SNX29: variants seen among roughly 807,000 people sequenced by gnomAD.
The protein encoded by SNX29 is sorting nexin 29.
SNX29 carries 78 observed loss-of-function variants against 102.1 expected under a neutral mutation model. The ratio of observed to expected loss-of-function variants is 0.76; its 90% CI spans 0.64 to 0.92. The LOEUF is 0.92. Ranked by LOEUF, SNX29 falls within the 40% of genes least tolerant of loss-of-function variation. The probability of loss-of-function intolerance (pLI) is 0.00; values close to 1 mark genes in which losing one functional copy is unlikely to be tolerated. For synonymous variants in SNX29, 580 were observed against 414.5 expected, an observed-to-expected ratio of 1.40 and a Z score of -4.85; for missense variants, 1,280 against 1,061.7, an observed-to-expected ratio of 1.21 and a Z score of -2.86.
At chr16:12,544,455 T>G in intron 20 of SNX29, among the ~76,000 whole-genome samples, 1 of 152,182 alleles carries the variant, frequency 6.6e-6, no homozygotes, top group Admixed American at 6.5e-5. Context: ...CTACCCTATC[T>G]CATTCTGAAG....
chr16:12,526,237 A>G (rs975893599), intron 20 of SNX29, among the ~76,000 whole-genome samples: 2 of 152,078 alleles, frequency 1.3e-5, no homozygotes, highest in Admixed American at 1.3e-4. Context: ...TGGGTTCAAA[A>G]CAGAGGGTGC....
At chr16:11,979,391 G>C (rs1453851013) in intron 1 of SNX29, among the ~76,000 whole-genome samples, 1 of 151,444 alleles carries the variant, frequency 6.6e-6, no homozygotes, top group Non-Finnish European at 1.5e-5. Flanking sequence ...TGGAAACATT[G>C]TAATTGAGGC....
chr16:12,345,170 G>T (rs1047365138), intron 15 of SNX29, among the ~76,000 whole-genome samples: 7 of 152,192 alleles, frequency 4.6e-5, no homozygotes, highest in Non-Finnish European at 1.5e-5. Context: ...TGTGCTCTGC[G>T]CTAGAGCTGT....
At chr16:12,507,853 C>G (rs2089446543) in intron 19 of SNX29, among the ~76,000 whole-genome samples, 1 of 152,164 alleles carries the variant, frequency 6.6e-6, no homozygotes, top group Non-Finnish European at 1.5e-5. Context: ...GCTCTGCTGT[C>G]TCCTTTCTCC....
chr16:12,091,898 G>C (rs201118798), intron 11 of SNX29, among the ~76,000 whole-genome samples: 1 of 152,148 alleles, frequency 6.6e-6, no homozygotes, highest in East Asian at 1.9e-4. Context: ...TCCCGAATCT[G>C]TCGGTGCCTT....
intron 16 of SNX29, among the ~76,000 whole-genome samples, chr16:12,379,130 T>C: frequency 6.6e-6 from 1 of 152,224 alleles, no homozygotes; most frequent in Non-Finnish European, 1.5e-5. Context: ...CTTCCTTTTC[T>C]TAAAAAAATA....
chr16:12,108,149 A>C (rs2053344603), intron 11 of SNX29, among the ~76,000 whole-genome samples: 1 of 152,192 alleles, frequency 6.6e-6, no homozygotes, highest in Non-Finnish European at 1.5e-5. Flanking sequence ...TTTTTGGACA[A>C]TCTTTAGGGT....
intron 1 of SNX29, among the ~76,000 whole-genome samples, chr16:11,998,779 G>A (rs1019541314): frequency 6.6e-6 from 1 of 152,220 alleles, no homozygotes; most frequent in Non-Finnish European, 1.5e-5. Flanking sequence ...GCTGAGAAGA[G>A]GAGTAATCAG....
intron 1 of SNX29, among the ~76,000 whole-genome samples, chr16:11,994,703 A>C (rs965140885): frequency 6.6e-6 from 1 of 152,092 alleles, no homozygotes; most frequent in Non-Finnish European, 1.5e-5. Context: ...CATTGTTCCT[A>C]CTTCTCTCTG....
Position 12,359,846 on chromosome 16 carries a change from C to G in SNX29, c.1899+3567C>G, listed in dbSNP as rs181380792. Among the ~76,000 whole-genome samples, 303 of 152,234 alleles carry G rather than the reference C, an allele frequency of 2.0e-3. 1 individual carries two copies. Among genetic ancestry groups the G allele is most frequent in the Non-Finnish European group, 3.5e-3 (237 of 68,026 alleles). ...ATTTTATTTATTTATTTTTTTGAGA[C>G]TGAATCATGCTGTATCGCCCAGGCT... On this transcript the variant is annotated intron_variant, in intron 16 of 20. Coordinates refer to ENST00000566228, the MANE Select transcript of SNX29 (RefSeq NM_032167.5).
intron 13 of SNX29, among the ~76,000 whole-genome samples, chr16:12,169,971 G>T (rs551708746): frequency 6.6e-6 from 1 of 152,228 alleles, no homozygotes; most frequent in East Asian, 2.0e-4. Context: ...GGTGCTGCAG[G>T]AAATGGTAAA....
At position 12,195,985 on chromosome 16, in the gene SNX29, CTTT is replaced by C. The variant is rs762409358; in HGVS notation, c.1596-3596_1596-3594del. 1.7e-3 allele frequency among the ~76,000 whole-genome samples: 201 copies of C among 117,950 alleles called. 1 individual carries two copies. The highest frequency in any genetic ancestry group is 4.7e-3 in the Middle Eastern group (1 of 214). 77.4% of individuals were successfully genotyped at this position (117,950 alleles called of 152,430 possible). A position where few individuals can be genotyped will look rare whatever the true frequency, so the allele number is the denominator to read the frequency against. The stretch of plus-strand genomic sequence containing the variant: ...CCTCATTGAGCCTCAGTTTCTTTTC[CTTT>C]TTTTTTTTTTTTTTTTTTTGAGACA... On this transcript the variant is annotated intron_variant, in intron 13 of 20. Transcript: ENST00000566228.
chr16:12,491,577 G>A (rs951478814), intron 19 of SNX29, among the ~76,000 whole-genome samples: 2 of 151,580 alleles, frequency 1.3e-5, no homozygotes, highest in African/African-American at 4.9e-5. Context: ...TGTGCACAAC[G>A]TGCAGGTTTG....
At chr16:12,475,250 C>T (rs973317398) in intron 18 of SNX29, among the ~76,000 whole-genome samples, 1 of 152,136 alleles carries the variant, frequency 6.6e-6, no homozygotes, top group African/African-American at 2.4e-5. Context: ...TGGTTGCATT[C>T]GGGATTCCTG....
At chr16:12,297,581 G>A (rs887148468) in intron 15 of SNX29, among the ~76,000 whole-genome samples, 2 of 152,018 alleles carry the variant, frequency 1.3e-5, no homozygotes, top group Non-Finnish European at 2.9e-5. Context: ...ACCCCCTGTT[G>A]TGTTATAAAG....
chr16:12,563,698 A>G (rs990814122), intron 20 of SNX29, among the ~76,000 whole-genome samples: 4 of 152,112 alleles, frequency 2.6e-5, no homozygotes, highest in Non-Finnish European at 5.9e-5. Context: ...GGCCTCATGT[A>G]AGAGGAACAT....
intron 10 of SNX29, among the ~76,000 whole-genome samples, chr16:12,077,541 T>C (rs1006116704): frequency 1.3e-5 from 2 of 152,132 alleles, no homozygotes; most frequent in Non-Finnish European, 2.9e-5. Context: ...TTCCCAGTAG[T>C]TGTATTCTAT....
chr16:12,136,056 G>C (rs908973165), intron 13 of SNX29, among the ~76,000 whole-genome samples: 1 of 152,182 alleles, frequency 6.6e-6, no homozygotes, highest in Admixed American at 6.5e-5. Context: ...TGCAGACTTC[G>C]CTTCTTGTGT....
At chr16:11,992,597 C>G (rs972775440) in intron 1 of SNX29, among the ~76,000 whole-genome samples, 2 of 152,030 alleles carry the variant, frequency 1.3e-5, no homozygotes, top group Non-Finnish European at 2.9e-5. Flanking sequence ...GTGAGCTTGC[C>G]CTGGTCCCCA....
Sources: allele counts gnomAD v4.1 joint callset (sites outside exome capture counted in the v4.1 genomes callset), GRCh38; gene constraint gnomAD v4.1.1; transcripts MANE v1.5; gene names NCBI Gene and HGNC (gene_info 2026-07-23, HGNC 2026-07-21).